The following KLHL32 variants were observed in gnomAD, a reference collection of about 807,000 sequenced individuals.
KLHL32 encodes kelch-like protein 32.
A neutral mutation model predicts 64.8 loss-of-function variants in KLHL32; 35 were observed. That is an observed-to-expected ratio of 0.54 (90% CI 0.41 to 0.72). KLHL32 has a LOEUF of 0.72. KLHL32 is among the 30% of genes least tolerant of loss of function. The pLI is 0.00. For missense variants in KLHL32, 589 were observed against 768.5 expected (o/e 0.77, Z 2.76); for synonymous variants, 259 against 281.0 (o/e 0.92, Z 0.78).
chr6:97,052,498 T>G (rs920916881), intron 4 of KLHL32, among the ~76,000 whole-genome samples: 16 of 152,254 alleles, frequency 1.1e-4, no homozygotes, highest in Admixed American at 6.5e-5. Flanking sequence ...CAGAGTTAGG[T>G]TCGGGGCTTC....
intron 7 of KLHL32, among the ~76,000 whole-genome samples, chr6:97,125,190 C>T (rs979307865): frequency 6.6e-6 from 1 of 152,126 alleles, no homozygotes; most frequent in Non-Finnish European, 1.5e-5. Flanking sequence ...TAGCCAAAGC[C>T]AATTATATGA....
chr6:97,101,327 A>G (rs1047898504), intron 6 of KLHL32, among the ~76,000 whole-genome samples: 1 of 152,162 alleles, frequency 6.6e-6, no homozygotes, highest in Non-Finnish European at 1.5e-5. Flanking sequence ...TTGCAGGATT[A>G]CCTCCAACAA....
At chr6:96,942,879 C>T (rs1454944128) in intron 1 of KLHL32, among the ~76,000 whole-genome samples, 2 of 152,100 alleles carry the variant, frequency 1.3e-5, no homozygotes, top group Non-Finnish European at 2.9e-5. Flanking sequence ...GAATGGCTTT[C>T]GATCAAGCCT....
chr6:97,126,856 G>A (rs1055884239), intron 7 of KLHL32, among the ~76,000 whole-genome samples: 1 of 152,010 alleles, frequency 6.6e-6, no homozygotes, highest in African/African-American at 2.4e-5. Context: ...TACTTTTTAT[G>A]TGGCTACTGG....
chr6:97,134,265 A>G (rs1016405023), intron 10 of KLHL32, among the ~76,000 whole-genome samples: 4 of 152,212 alleles, frequency 2.6e-5, no homozygotes, highest in African/African-American at 9.6e-5. Flanking sequence ...GAAAAGAATT[A>G]TCAAAGCCAC....
chr6:97,112,808 T>C (rs945524066), intron 6 of KLHL32, among the ~76,000 whole-genome samples: 1 of 150,442 alleles, frequency 6.6e-6, no homozygotes, highest in Non-Finnish European at 1.5e-5. Context: ...GCAGGTACAT[T>C]ATCATAAATA....
At chr6:97,132,818 C>T in intron 10 of KLHL32, 71 bp downstream of exon 10, 2 of 1,037,150 alleles carry the variant, frequency 1.9e-6, no homozygotes, top group East Asian at 2.5e-5. Context: ...AATGCTGCTA[C>T]TGAAGAAAGA....
chr6:97,107,545 T>G (rs1796584303), intron 6 of KLHL32, among the ~76,000 whole-genome samples: 2 of 152,212 alleles, frequency 1.3e-5, no homozygotes, highest in Non-Finnish European at 2.9e-5. Flanking sequence ...TTCTTCTTGC[T>G]CAAATATTTT....
intron 4 of KLHL32, chr6:97,062,478 T>A (rs1489280128): frequency 6.6e-6 from 1 of 152,210 alleles, no homozygotes; most frequent in East Asian, 1.9e-4. Flanking sequence ...AAAGGAGATA[T>A]AAAGATTTTT....
intron 3 of KLHL32, among the ~76,000 whole-genome samples, chr6:96,995,338 C>T (rs1163936597): frequency 2.0e-5 from 3 of 152,188 alleles, no homozygotes; most frequent in Admixed American, 2.0e-4. Flanking sequence ...TAATTTCATC[C>T]TTTCCCAACT....
intron 3 of KLHL32, among the ~76,000 whole-genome samples, chr6:97,027,173 A>T (rs947445612): frequency 2.0e-5 from 3 of 151,848 alleles, no homozygotes; most frequent in Non-Finnish European, 2.9e-5. Context: ...AAAAAAAAAA[A>T]AAAAGAAAAA....
Position 96,978,277 on chromosome 6 carries a change from A to G in KLHL32, c.204+2100A>G, listed in dbSNP as rs1265382865. On this transcript the variant is annotated intron_variant, in intron 3 of 10. Transcript: ENST00000369261. ...CATAATACTCAATAGCTAGTTTTTC[A>G]ATTTTCTCCCTTCCCCCAACCTCCA... is the stretch of plus-strand genomic sequence containing the variant. Among the ~76,000 whole-genome samples the G allele has an allele frequency of 2.6e-5, 4 of 152,020 alleles. No homozygotes were observed. In the East Asian group the frequency reaches 7.7e-4, roughly 29 times the overall value.
chr6:96,928,185 T>C (rs1263980659), intron 1 of KLHL32, among the ~76,000 whole-genome samples: 1 of 152,194 alleles, frequency 6.6e-6, no homozygotes, highest in African/African-American at 2.4e-5. Context: ...ATGTTCTGAT[T>C]GTGGAGATCA....
chr6:97,108,084 G>A (rs1437357544), intron 6 of KLHL32, among the ~76,000 whole-genome samples: 1 of 152,096 alleles, frequency 6.6e-6, no homozygotes, highest in Admixed American at 6.5e-5. Flanking sequence ...TGTTGCAGGT[G>A]GTTTAGGAAA....
At chr6:97,015,752 G>A (rs1169152314) in intron 3 of KLHL32, among the ~76,000 whole-genome samples, 3 of 152,156 alleles carry the variant, frequency 2.0e-5, no homozygotes, top group Non-Finnish European at 4.4e-5. Flanking sequence ...TGGGGAAAAT[G>A]TCCCCAGGGC....
At chr6:96,899,966 T>G in the KLHL32 span, among the ~76,000 whole-genome samples, 1 of 152,362 alleles carries the variant, frequency 6.6e-6, no homozygotes, top group African/African-American at 2.4e-5. Flanking sequence ...ATGTAAATTC[T>G]GAGGACAGAA....
chr6:96,933,406 T>A (rs117022471), intron 1 of KLHL32, among the ~76,000 whole-genome samples: 1 of 152,330 alleles, frequency 6.6e-6, no homozygotes, highest in Non-Finnish European at 1.5e-5. Flanking sequence ...CAGCTATTGG[T>A]GTAAGACTCC....
chr6:96,918,877 T>C, the KLHL32 span, among the ~76,000 whole-genome samples: 2 of 152,178 alleles, frequency 1.3e-5, no homozygotes, highest in African/African-American at 4.8e-5. Context: ...AGTAATAAAA[T>C]TCCTCAATTA....
chr6:97,005,013 A>G (rs1420708217), intron 3 of KLHL32, among the ~76,000 whole-genome samples: 1 of 152,088 alleles, frequency 6.6e-6, no homozygotes, highest in Non-Finnish European at 1.5e-5. Flanking sequence ...TTTAGGGAAG[A>G]GTACATCCTC....
Sources: gnomAD v4.1 joint callset for allele counts (sites outside exome capture counted in the v4.1 genomes callset) on GRCh38, gnomAD v4.1.1 for gene constraint, MANE v1.5 for transcripts, NCBI Gene and HGNC (gene_info 2026-07-23, HGNC 2026-07-21) for gene names.